Variants in PDXDC1 observed in about 807,000 individuals in gnomAD.
The protein encoded by PDXDC1 is pyridoxal dependent decarboxylase domain containing 1, also known as pyridoxal-dependent decarboxylase domain-containing protein 1.
A neutral mutation model predicts 100.1 loss-of-function variants in PDXDC1; 42 were observed. That is an observed-to-expected ratio of 0.42 (90% CI 0.33 to 0.54). The LOEUF (loss-of-function observed/expected upper bound fraction) is 0.54, where lower values mean the gene tolerates loss of function less well. Ranked by LOEUF, PDXDC1 falls within the 20% of genes least tolerant of loss-of-function variation. The probability of loss-of-function intolerance (pLI) is 0.10; values close to 1 mark genes in which losing one functional copy is unlikely to be tolerated. For missense variants in PDXDC1, 636 were observed against 979.2 expected (o/e 0.65, Z 4.68); for synonymous variants, 260 against 371.7 (o/e 0.70, Z 3.46).
At chr16:15,134,349 G>T (rs2048252817) in intron 16 of PDXDC1, 2 of 678,808 alleles carry the variant, frequency 2.9e-6, no homozygotes, top group Non-Finnish European at 5.3e-6. Flanking sequence ...TCAGCACCTG[G>T]CGTGGGAGTG....
In PDXDC1 at chr16:15,092,781, A is replaced by G. The variant is rs184698473; in HGVS notation, c.1400-46098A>G. Among the ~76,000 whole-genome samples the G allele has an allele frequency of 4.7e-4, 71 of 152,270 alleles. No homozygotes were observed. The East Asian group carries it at 0.013, about 28-fold the overall frequency. ...CAATCCTTCCTTTGCTCAGCAACCA[A>G]TAACTGTCTTCCCACTGCACTTACA... On this transcript the variant is annotated intron_variant, in intron 16 of 16. Coordinates refer to the PDXDC1 transcript ENST00000535621.
chr16:15,128,236 A>T, intron 16 of PDXDC1: 1 of 1,611,312 alleles, frequency 6.2e-7, no homozygotes, highest in East Asian at 2.2e-5. Context: ...GTCGTGCCAC[A>T]CTCGGATCTT....
intron 16 of PDXDC1, chr16:15,104,163 C>T: frequency 1.6e-6 from 1 of 639,172 alleles, no homozygotes; most frequent in Non-Finnish European, 2.2e-6. Context: ...ACAGAGCAAA[C>T]TCCAGTCTCA....
chr16:15,053,260 G>C (rs948785941), intron 16 of PDXDC1, among the ~76,000 whole-genome samples: 8 of 152,256 alleles, frequency 5.3e-5, no homozygotes, highest in African/African-American at 1.4e-4. Context: ...CCTGGGGCCA[G>C]TTTCCCAGCC....
chr16:15,126,786 A>G (rs1173051694), intron 16 of PDXDC1: 1 of 157,854 alleles, frequency 6.3e-6, no homozygotes, highest in African/African-American at 2.5e-5. Context: ...CCTCTCGAGT[A>G]GCTGGGACTA....
At chr16:15,104,716 G>A (rs1461036277) in intron 16 of PDXDC1, 1 of 1,597,434 alleles carries the variant, frequency 6.3e-7, no homozygotes, top group Non-Finnish European at 8.5e-7. Flanking sequence ...GGCCAGCAGG[G>A]CAATCCTGAA....
At chr16:15,035,372 G>A (rs980455258) in intron 21 of PDXDC1, 77 bp from the exon 22 acceptor site, 4 of 711,108 alleles carry the variant, frequency 5.6e-6, no homozygotes, top group East Asian at 3.1e-5. Flanking sequence ...TGGGGAGCAA[G>A]GCTGTGTGAG....
intron 16 of PDXDC1, among the ~76,000 whole-genome samples, chr16:15,057,812 T>C (rs997684302): frequency 3.3e-5 from 5 of 152,212 alleles, no homozygotes. Context: ...CAAGGTTCTG[T>C]GGGTTCTGCC....
At chr16:15,147,519 G>A in the PDXDC1 span, among the ~76,000 whole-genome samples, 1 of 152,132 alleles carries the variant, frequency 6.6e-6, no homozygotes, top group Non-Finnish European at 1.5e-5. Context: ...GAGAGGGTGC[G>A]GACTCTTCCT....
At chr16:15,136,591 C>T (rs1309117566) in intron 16 of PDXDC1, 13 of 1,163,728 alleles carry the variant, frequency 1.1e-5, no homozygotes, top group East Asian at 7.6e-5. Context: ...GACCAGGAAG[C>T]GCTGCACGGC....
chr16:15,033,538 CT>C, intron 19 of PDXDC1, 139 bp downstream of exon 19: 1 of 998,078 alleles, frequency 1.0e-6, no homozygotes, highest in African/African-American at 1.6e-5. Flanking sequence ...TAAGCTGGGC[CT>C]TGTGCCAGGT....
intron 16 of PDXDC1, among the ~76,000 whole-genome samples, chr16:15,079,000 CAG>C (rs1194730346): frequency 1.3e-5 from 2 of 151,994 alleles, no homozygotes; most frequent in African/African-American, 4.8e-5. Context: ...TTTAGTGAGA[CAG>C]AGTTTCACCA....
chr16:15,075,284 GA>G (rs1011520847), intron 16 of PDXDC1, among the ~76,000 whole-genome samples: 2 of 145,254 alleles, frequency 1.4e-5, no homozygotes, highest in Non-Finnish European at 3.0e-5. Flanking sequence ...CTAAAACAAA[GA>G]AATGGACCAC....
rs779388745 is a variant in PDXDC1, at chr16:15,022,783, A to G, written c.1140+29A>G. 6 of 1,561,342 alleles carry G rather than the reference A, an allele frequency of 3.8e-6. No individual in the cohort carries two copies. In the South Asian group the frequency reaches 7.1e-5, roughly 18 times the overall value. ...TAGTATATAAGTTCATCTGTTTTCA[A>G]AATATAACTTTTTTTGAACCTCAGC... On this transcript the variant is annotated intron_variant, in intron 13 of 22. Transcript: ENST00000396410.
intron 1 of PDXDC1, among the ~76,000 whole-genome samples, chr16:14,992,057 G>A (rs1400046606): frequency 6.6e-6 from 1 of 152,284 alleles, no homozygotes; most frequent in Non-Finnish European, 1.5e-5. Context: ...TAATTGGAGA[G>A]CACATTTATA....
chr16:15,078,435 T>C (rs1185607014), intron 16 of PDXDC1, among the ~76,000 whole-genome samples: 1 of 151,800 alleles, frequency 6.6e-6, no homozygotes, highest in Non-Finnish European at 1.5e-5. Context: ...ACCATCCACA[T>C]CCTCTCCCGA....
At chr16:15,094,651 C>T (rs369892621) in intron 16 of PDXDC1, 2 of 254,848 alleles carry the variant, frequency 7.8e-6, no homozygotes, top group African/African-American at 2.3e-5. Context: ...GATTCGAACC[C>T]GGCTGACCCA....
intron 16 of PDXDC1, chr16:15,086,334 T>C: frequency 6.2e-7 from 1 of 1,612,516 alleles, no homozygotes; most frequent in South Asian, 1.1e-5. Flanking sequence ...CTGAATTACA[T>C]ACTTTACAGT....
intron 8 of PDXDC1, among the ~76,000 whole-genome samples, chr16:15,015,144 T>C (rs1003143237): frequency 2.0e-5 from 3 of 152,226 alleles, no homozygotes; most frequent in Admixed American, 2.0e-4. Context: ...GATTTCACCG[T>C]GTTAGCCAGG....
Sources: gnomAD v4.1 joint callset for allele counts (sites outside exome capture counted in the v4.1 genomes callset) on GRCh38, gnomAD v4.1.1 for gene constraint, MANE v1.5 for transcripts, NCBI Gene and HGNC (gene_info 2026-07-23, HGNC 2026-07-21) for gene names.